POLR3A: variants seen among roughly 807,000 people sequenced by gnomAD.
The protein encoded by POLR3A is RNA polymerase III subunit A.
In POLR3A, 112 loss-of-function variants were observed where a neutral mutation model predicts 152.8. The ratio of observed to expected loss-of-function variants is 0.73; its 90% CI spans 0.63 to 0.86. The LOEUF (loss-of-function observed/expected upper bound fraction) is 0.86, where lower values mean the gene tolerates loss of function less well. Ranked by LOEUF, POLR3A falls within the 40% of genes least tolerant of loss-of-function variation. The pLI is 0.00. For synonymous variants in POLR3A, 615 were observed against 652.1 expected, an observed-to-expected ratio of 0.94 and a Z score of 0.87; for missense variants, 1,385 against 1,743.1, an observed-to-expected ratio of 0.79 and a Z score of 3.66.
chr10:77,982,544 A>G lies in POLR3A; in HGVS notation c.3594+109T>C. 4 of 1,068,548 alleles carry G rather than the reference A, an allele frequency of 3.7e-6. No individual in the cohort carries two copies. The South Asian group carries it at 3.9e-5, about 11-fold the overall frequency. The allele number at this position is 1,068,548 out of a possible 1,614,324, so 66.2% of individuals were successfully genotyped here. A position where few individuals can be genotyped will look rare whatever the true frequency, so the allele number is the denominator to read the frequency against. ...AGACTAACTCCTTGGGGATAAGGCC[A>G]AGAAGAAATTAAGAAATCGGACTAA... On this transcript the variant is annotated intron_variant, in intron 27 of 30. Transcript: ENST00000372371.
chr10:78,007,896 A>G (rs1440583301), intron 14 of POLR3A, 30 bp from the exon 15 acceptor site: 1 of 1,582,300 alleles, frequency 6.3e-7, no homozygotes, highest in Non-Finnish European at 8.7e-7. Context: ...TTTAGACAAC[A>G]ATTATTTATT....
chr10:77,986,468 T>C (rs1401749745), intron 21 of POLR3A, among the ~76,000 whole-genome samples: 1 of 152,152 alleles, frequency 6.6e-6, no homozygotes, highest in African/African-American at 2.4e-5. Context: ...GTTCTTGCTC[T>C]CCCACGTGCC....
At position 77,985,298 on chromosome 10, in the gene POLR3A, G is replaced by A; in HGVS notation, c.3114C>T (p.Ala1038=). ...GGGTGCCTGGCTCACCAATGCTCTG[G>A]GCACACAGAGCACCCACTGCAGAAC... ...EPGSAVGALC[A]QSIGEPGTQM... is the part of the protein sequence containing the mutation. The change falls in exon 24 of 31, where the codon GCC becomes GCT. Residue 1038 remains alanine, a synonymous_variant. Transcript: ENST00000372371. The A allele has an allele frequency of 6.2e-7, 1 of 1,613,662 alleles. No individual in the cohort carries two copies. The highest frequency in any genetic ancestry group is 8.5e-7 in the Non-Finnish European group (1 of 1,179,582).
intron 1 of POLR3A, among the ~76,000 whole-genome samples, chr10:78,028,444 G>A (rs541135174): frequency 1.3e-5 from 2 of 152,072 alleles, no homozygotes; most frequent in Admixed American, 1.3e-4. Context: ...TATTCAGACC[G>A]TATCTTTAAC....
At chr10:77,986,496 A>C (rs1847199772) in intron 21 of POLR3A, among the ~76,000 whole-genome samples, 1 of 152,182 alleles carries the variant, frequency 6.6e-6, no homozygotes, top group Admixed American at 6.5e-5. Context: ...CTATAAGAAC[A>C]CAGCTCAAGA....
At chr10:77,986,195 TCA>T (rs1414143542) in intron 21 of POLR3A, 36 bp from the exon 22 acceptor site, 18 of 1,000,510 alleles carry the variant, frequency 1.8e-5, no homozygotes, top group Non-Finnish European at 2.9e-5. Context: ...TTTGTAAGTT[TCA>T]CAGTCATGCA....
At chr10:77,986,794 C>A (rs1847202725) in intron 21 of POLR3A, among the ~76,000 whole-genome samples, 1 of 152,154 alleles carries the variant, frequency 6.6e-6, no homozygotes, top group Non-Finnish European at 1.5e-5. Context: ...ATTGTCAAAG[C>A]CAGATGTGAA....
At position 77,985,324 on chromosome 10, in the gene POLR3A, C is replaced by G; in HGVS notation, c.3088G>C (p.Gly1030Arg). 1 of 1,614,100 alleles carries G rather than the reference C, an allele frequency of 6.2e-7. No homozygotes were observed. Among genetic ancestry groups the G allele is most frequent in the Non-Finnish European group, 8.5e-7 (1 of 1,179,938 alleles). The change falls in exon 24 of 31, where the codon GGT becomes CGT. Residue 1030 changes from glycine to arginine, a missense_variant. Transcript: ENST00000372371. Reference protein sequence around the residue: ...DKYMRAQMEPGSAVGALCAQS... With the variant: ...DKYMRAQMEPRSAVGALCAQS... Reference sequence around the variant, plus strand: ...GCACACAGAGCACCCACTGCAGAACCTGGCTCCATCTGTGCCCTAGAAGGC... The same window carrying G: ...GCACACAGAGCACCCACTGCAGAACGTGGCTCCATCTGTGCCCTAGAAGGC...
intron 11 of POLR3A, among the ~76,000 whole-genome samples, chr10:78,011,668 G>A (rs1847467730): frequency 6.6e-6 from 1 of 152,190 alleles, no homozygotes; most frequent in South Asian, 2.1e-4. Flanking sequence ...TGGGATACAG[G>A]TAGTCTACGG....
At chr10:78,019,565 TG>T (rs1847557891) in intron 8 of POLR3A, 1 of 431,232 alleles carries the variant, frequency 2.3e-6, no homozygotes, top group Admixed American at 3.7e-5. Flanking sequence ...AGGAACCTTC[TG>T]TGATCCTAGA....
chr10:78,017,752 A>C, intron 9 of POLR3A, 36 bp from the exon 10 acceptor site: 1 of 1,612,562 alleles, frequency 6.2e-7, no homozygotes, highest in South Asian at 1.1e-5. Context: ...CTGTGAAAGC[A>C]AAGTTCTCTC....
rs1564613251 is a variant in POLR3A, at chr10:77,982,310, C to T, written c.3603G>A (p.Val1201=). ...CTCTGGACACCTCTGGAATGCCCTGCACCACCACCTGGATTCAGAGACAGA... is the reference window on the plus strand; with the variant it reads ...CTCTGGACACCTCTGGAATGCCCTGTACCACCACCTGGATTCAGAGACAGA... The part of the protein sequence containing the change: ...FLKEDLPKVV[V]QGIPEVSRAV... Residue 1201 remains valine (V), a synonymous_variant, in exon 28 of 31, where the codon GTG becomes GTA. Coordinates refer to ENST00000372371, the MANE Select transcript of POLR3A (RefSeq NM_007055.4). The T allele has an allele frequency of 3.1e-6, 5 of 1,613,904 alleles. No homozygotes were observed. The highest frequency in any genetic ancestry group is 4.2e-6 in the Non-Finnish European group (5 of 1,179,964).
At position 78,002,254 on chromosome 10, in the gene POLR3A, G is replaced by A; in HGVS notation, c.2302C>T (p.Leu768Phe). ...VIRDHAGSAC[L>F]RELDKSNSPL... ...CTGTTGCTCTTGTCCAGCTCCCGGA[G>A]GCAGGCACTGCCAGCGTGGTCACGG... Residue 768 changes from leucine (L) to phenylalanine (F), a missense_variant, in exon 17 of 31, where the codon CTC becomes TTC. Coordinates refer to ENST00000372371, the MANE Select transcript of POLR3A (RefSeq NM_007055.4). 1 of 1,605,520 alleles carries A rather than the reference G, an allele frequency of 6.2e-7. No individual in the cohort carries two copies. The highest frequency in any genetic ancestry group is 8.5e-7 in the Non-Finnish European group (1 of 1,176,724).
chr10:78,010,640 G>T, intron 11 of POLR3A, 100 bp from the exon 12 acceptor site: 1 of 860,644 alleles, frequency 1.2e-6, no homozygotes, highest in African/African-American at 1.6e-5. Flanking sequence ...AACAAATACA[G>T]AGTAGCAGAA....
Position 77,976,651 on chromosome 10 carries a change from C to A in POLR3A, c.*827G>T, listed in dbSNP as rs1847092063. Reference sequence around the variant, plus strand: ...AACGTAAGTATAATTCTACAAAAAACCATCTCATCCCCATTGCAGCAGGCC... The same window carrying A: ...AACGTAAGTATAATTCTACAAAAAAACATCTCATCCCCATTGCAGCAGGCC... On this transcript the variant is annotated 3_prime_UTR_variant, in exon 31 of 31. Transcript: ENST00000372371. The A allele has an allele frequency of 6.6e-6, 1 of 152,206 alleles. No homozygotes were observed. 9.4% of individuals were successfully genotyped at this position (152,206 alleles called of 1,614,324 possible).
At chr10:78,017,774 C>T (rs1847539201) in intron 9 of POLR3A, 58 bp from the exon 10 acceptor site, 4 of 1,553,786 alleles carry the variant, frequency 2.6e-6, no homozygotes, top group African/African-American at 1.4e-5. Context: ...CCAAGTTTCT[C>T]CCTCTTCAGA....
intron 21 of POLR3A, among the ~76,000 whole-genome samples, chr10:77,987,192 A>G (rs1314226530): frequency 4.6e-5 from 7 of 152,164 alleles, no homozygotes; most frequent in African/African-American, 1.7e-4. Context: ...GGCACCTGCC[A>G]TGTAGTAGCA....
Position 77,977,555 on chromosome 10 carries a change from C to G in POLR3A, c.4096G>C (p.Ala1366Pro). 1 of 1,613,948 alleles carries G rather than the reference C, an allele frequency of 6.2e-7. No individual in the cohort carries two copies. Among genetic ancestry groups the G allele is most frequent in the South Asian group, 1.1e-5 (1 of 91,070 alleles). Residue 1366 changes from alanine (A) to proline (P), a missense_variant, in exon 31 of 31, where the codon GCT becomes CCT. Physicochemically the swap from Ala to Pro is conservative, Grantham distance 27. Coordinates refer to ENST00000372371, the MANE Select transcript of POLR3A (RefSeq NM_007055.4). ...GTGLFKLLHK[A>P]DRDPNPPKRP... ...TTGGGAGGGTTCGGGTCCCTGTCAG[C>G]CTTGTGAAGCAGCTTGAAGAGCCCG...
At chr10:77,990,754 C>T (rs1847239748) in intron 21 of POLR3A, among the ~76,000 whole-genome samples, 1 of 151,878 alleles carries the variant, frequency 6.6e-6, no homozygotes, top group South Asian at 2.1e-4. Context: ...GCTGGGATTA[C>T]AGGTGCCCGC....
Sources: gnomAD v4.1 joint callset for allele counts (sites outside exome capture counted in the v4.1 genomes callset) on GRCh38, gnomAD v4.1.1 for gene constraint, MANE v1.5 for transcripts, NCBI Gene and HGNC (gene_info 2026-07-23, HGNC 2026-07-21) for gene names.